EZH2: variants seen among roughly 807,000 people sequenced by gnomAD.
EZH2 encodes the protein histone-lysine N-methyltransferase EZH2.
In EZH2, 18 loss-of-function variants were observed where a neutral mutation model predicts 98.4. That is an observed-to-expected ratio of 0.18 (90% CI 0.13 to 0.27). The LOEUF (loss-of-function observed/expected upper bound fraction) is 0.27, where lower values mean the gene tolerates loss of function less well. Among genes scored for constraint, EZH2 ranks in the 10% least tolerant of loss-of-function variants. The pLI is 1.00. For synonymous variants in EZH2, 338 were observed against 312.3 expected (o/e 1.08, Z -0.87); for missense variants, 470 against 935.1 (o/e 0.50, Z 6.49).
intron 3 of EZH2, among the ~76,000 whole-genome samples, chr7:148,845,013 G>A (rs889916356): frequency 3.9e-5 from 6 of 151,922 alleles, no homozygotes; most frequent in African/African-American, 9.7e-5. Flanking sequence ...AAGAGGTAAT[G>A]TGTACAAAGT....
chr7:148,854,071 T>C (rs1353507689), intron 1 of EZH2, among the ~76,000 whole-genome samples: 2 of 152,254 alleles, frequency 1.3e-5, no homozygotes, highest in Admixed American at 1.3e-4. Context: ...CAGACATTCC[T>C]GTCCCTCTTT....
intron 12 of EZH2, 132 bp downstream of exon 12, chr7:148,816,552 T>C: frequency 1.6e-6 from 1 of 627,972 alleles, no homozygotes; most frequent in Non-Finnish European, 2.8e-6. Context: ...GATTCCATAG[T>C]TCTGTTTTTG....
chr7:148,816,761 G>A lies in EZH2; in HGVS notation c.1428C>T (p.Val476=). ...KTCRQVYEFR[V]KESSIIAPAP... is the part of the protein sequence containing the mutation. Reference sequence around the variant, plus strand: ...CTGGAGCTATGATGCTAGATTCTTTGACTCTAAACTCATACACCTGACAAG... The same window carrying A: ...CTGGAGCTATGATGCTAGATTCTTTAACTCTAAACTCATACACCTGACAAG... The change falls in exon 12 of 20, where the codon GTC becomes GTT. Residue 476 remains valine, a synonymous_variant. Coordinates refer to ENST00000320356, the MANE Select transcript of EZH2 (RefSeq NM_004456.5). The A allele has an allele frequency of 1.9e-6, 3 of 1,613,776 alleles. No individual in the cohort carries two copies. The highest frequency in any genetic ancestry group is 2.5e-6 in the Non-Finnish European group (3 of 1,179,772).
intron 3 of EZH2, among the ~76,000 whole-genome samples, chr7:148,837,540 TATA>T (rs1811222114): frequency 6.6e-6 from 1 of 152,216 alleles, no homozygotes; most frequent in Admixed American, 6.5e-5. Context: ...TGACCGTGTA[TATA>T]ATTTAAGTTC....
At chr7:148,854,663 G>A (rs1247829507) in intron 1 of EZH2, among the ~76,000 whole-genome samples, 3 of 152,176 alleles carry the variant, frequency 2.0e-5, no homozygotes, top group African/African-American at 7.2e-5. Flanking sequence ...TAAGTAATAT[G>A]ATTACAATAT....
intron 1 of EZH2, among the ~76,000 whole-genome samples, chr7:148,859,823 C>CAGTGATCAA (rs1169000359): frequency 1.3e-5 from 2 of 152,164 alleles, no homozygotes; most frequent in African/African-American, 4.8e-5. Context: ...CGCAACGCCT[C>CAGTGATCAA]AGTGATCAAC....
intron 2 of EZH2, 61 bp downstream of exon 2, chr7:148,847,121 T>G: frequency 6.5e-7 from 1 of 1,544,492 alleles, no homozygotes; most frequent in Non-Finnish European, 8.7e-7. Flanking sequence ...TTATTGAACT[T>G]AGGAGGGGAA....
At chr7:148,829,286 C>CA (rs1034994920) in intron 5 of EZH2, among the ~76,000 whole-genome samples, 2 of 152,040 alleles carry the variant, frequency 1.3e-5, no homozygotes, top group East Asian at 1.9e-4. Context: ...CTCCTGGACA[C>CA]AAAAAACTGA....
chr7:148,878,684 A>C (rs1237936548), intron 1 of EZH2, among the ~76,000 whole-genome samples: 1 of 152,080 alleles, frequency 6.6e-6, no homozygotes, highest in African/African-American at 2.4e-5. Flanking sequence ...GGATCTCTTG[A>C]GTTCAGGAGT....
At chr7:148,838,462 T>A (rs1811482069) in intron 3 of EZH2, among the ~76,000 whole-genome samples, 2 of 152,168 alleles carry the variant, frequency 1.3e-5, no homozygotes, top group African/African-American at 4.8e-5. Flanking sequence ...TTTTGCTAAG[T>A]ACTGGAGATC....
Position 148,814,082 on chromosome 7 carries a change from G to A in EZH2, c.1728C>T (p.Cys576=), listed in dbSNP as rs2129469832. The change falls in exon 15 of 20, where the codon TGC becomes TGT. Residue 576 remains cysteine (C), a synonymous_variant. Coordinates refer to ENST00000320356, the MANE Select transcript of EZH2 (RefSeq NM_004456.5). ...RCKAQCNTKQ[C]PCYLAVRECD... ...ACTCTCGGACAGCCAGGTAGCACGG[G>A]CACTGCTTGGTGTTGCACTGTGCTT... is the stretch of plus-strand genomic sequence containing the variant. 7 of 1,614,156 alleles carry A rather than the reference G, an allele frequency of 4.3e-6. No individual in the cohort carries two copies. Among genetic ancestry groups the A allele is most frequent in the Non-Finnish European group, 5.9e-6 (7 of 1,180,024 alleles).
In EZH2 at chr7:148,843,838, G is replaced by A. The variant is rs868073678; in HGVS notation, c.246+2632C>T. On this transcript the variant is annotated intron_variant, in intron 3 of 19. Coordinates refer to ENST00000320356, the MANE Select transcript of EZH2 (RefSeq NM_004456.5). ...TCTCGATCTCCTGACCTCGTGATCCGCCCGCCTCGGCCTCCCAAAGTGCTG... is the reference window on the plus strand; with the variant it reads ...TCTCGATCTCCTGACCTCGTGATCCACCCGCCTCGGCCTCCCAAAGTGCTG... Among the ~76,000 whole-genome samples, 383 of 151,734 alleles carry A rather than the reference G, an allele frequency of 2.5e-3. 1 individual carries two copies. The highest frequency in any genetic ancestry group is 8.8e-3 in the African/African-American group (365 of 41,376).
intron 3 of EZH2, among the ~76,000 whole-genome samples, chr7:148,845,776 T>G (rs1379039571): frequency 6.6e-6 from 1 of 152,220 alleles, no homozygotes; most frequent in Admixed American, 6.5e-5. Flanking sequence ...TCAACTCCCC[T>G]TTAAATATCC....
chr7:148,861,642 A>G (rs1168151748), intron 1 of EZH2, among the ~76,000 whole-genome samples: 1 of 152,058 alleles, frequency 6.6e-6, no homozygotes. Flanking sequence ...TAAATAACAC[A>G]TTTTTAAAAA....
chr7:148,811,092 C>G (rs1209048490), intron 16 of EZH2, among the ~76,000 whole-genome samples: 1 of 152,052 alleles, frequency 6.6e-6, no homozygotes, highest in African/African-American at 2.4e-5. Flanking sequence ...CCTGTTGTCC[C>G]TAGACGAGAA....
At chr7:148,807,822 A>T in intron 19 of EZH2, 116 bp from the exon 20 acceptor site, 1 of 655,046 alleles carries the variant, frequency 1.5e-6, no homozygotes, top group African/African-American at 2.1e-5. Context: ...TTTAAAAAAA[A>T]AAAAAAAAAA....
rs1489991464 is a variant in EZH2 at position 148,817,276 on chromosome 7, G to A, written c.1356C>T (p.Tyr452=). The change falls in exon 11 of 20, where the codon TAC becomes TAT. Residue 452 remains tyrosine, a synonymous_variant. Transcript: ENST00000320356. ...ASMFRVLIGT[Y]YDNFCAIARL... ...TAGCAATGGCACAGAAATTGTCATA[G>A]TAAGTGCCAATGAGGACTCTAAACA... 3 of 1,613,908 alleles carry A rather than the reference G, an allele frequency of 1.9e-6. No homozygotes were observed. In the Admixed American group the frequency reaches 5.0e-5, roughly 27 times the overall value.
intron 5 of EZH2, among the ~76,000 whole-genome samples, chr7:148,829,346 C>A (rs74435258): frequency 2.0e-5 from 3 of 152,076 alleles, no homozygotes; most frequent in African/African-American, 4.8e-5. Flanking sequence ...CCTAGAGGAG[C>A]GGTATTTTTT....
intron 1 of EZH2, among the ~76,000 whole-genome samples, chr7:148,871,573 T>C (rs1819406451): frequency 7.0e-6 from 1 of 142,452 alleles, no homozygotes; most frequent in South Asian, 2.2e-4. Flanking sequence ...AAATAGTGTA[T>C]TTTCTTTTTT....
Sources: gnomAD v4.1 joint callset for allele counts (sites outside exome capture counted in the v4.1 genomes callset) on GRCh38, gnomAD v4.1.1 for gene constraint, MANE v1.5 for transcripts, NCBI Gene and HGNC (gene_info 2026-07-23, HGNC 2026-07-21) for gene names.